Variants in IL1RAPL2 observed in about 807,000 individuals in gnomAD.
The protein encoded by IL1RAPL2 is interleukin 1 receptor accessory protein like 2, also known as X-linked interleukin-1 receptor accessory protein-like 2.
IL1RAPL2 carries 3 observed loss-of-function variants against 44.1 expected under a neutral mutation model. That is an observed-to-expected ratio of 0.07 (90% CI 0.03 to 0.18). The LOEUF (loss-of-function observed/expected upper bound fraction) is 0.18, where lower values mean the gene tolerates loss of function less well. Among genes scored for constraint, IL1RAPL2 ranks in the 10% least tolerant of loss-of-function variants. The pLI is 1.00. For synonymous variants in IL1RAPL2, 181 were observed against 178.8 expected, an observed-to-expected ratio of 1.01 and a Z score of -0.10; for missense variants, 391 against 496.4, an observed-to-expected ratio of 0.79 and a Z score of 2.02.
intron 2 of IL1RAPL2, among the ~76,000 whole-genome samples, chrX:104,665,794 G>A (rs1302713789): frequency 9.0e-6 from 1 of 111,136 alleles, no homozygotes; most frequent in Non-Finnish European, 1.9e-5. Context: ...CCAGTGCTCT[G>A]TTTATGGAAA....
At chrX:105,081,088 A>C (rs960209210) in intron 2 of IL1RAPL2, among the ~76,000 whole-genome samples, 1 of 111,556 alleles carries the variant, frequency 9.0e-6, no homozygotes, top group African/African-American at 3.3e-5. Flanking sequence ...ACTTTGCTGA[A>C]GTTGCTTATC....
At chrX:105,244,144 C>T (rs1386109857) in intron 4 of IL1RAPL2, among the ~76,000 whole-genome samples, 1 of 110,948 alleles carries the variant, frequency 9.0e-6, no homozygotes, top group Admixed American at 9.7e-5. Flanking sequence ...TTCAATAAGA[C>T]TTTGCTGCTT....
intron 2 of IL1RAPL2, among the ~76,000 whole-genome samples, chrX:104,874,640 A>G (rs1323179833): frequency 9.0e-6 from 1 of 111,501 alleles, no homozygotes. Flanking sequence ...ATTCAAGCAT[A>G]GAAGGGGCTG....
intron 2 of IL1RAPL2, among the ~76,000 whole-genome samples, chrX:105,036,921 A>G (rs868373599): frequency 1.0e-5 from 1 of 97,616 alleles, no homozygotes; most frequent in Non-Finnish European, 2.1e-5. Flanking sequence ...CTATATATTT[A>G]TCTTCACCAT....
At chrX:105,019,169 G>A (rs2031239854) in intron 2 of IL1RAPL2, among the ~76,000 whole-genome samples, 1 of 112,023 alleles carries the variant, frequency 8.9e-6, no homozygotes, top group Non-Finnish European at 1.9e-5. Context: ...GAGTATTTAA[G>A]TACAGAATTG....
intron 5 of IL1RAPL2, among the ~76,000 whole-genome samples, chrX:105,297,321 G>A (rs1450653047): frequency 8.9e-6 from 1 of 112,103 alleles, no homozygotes; most frequent in Non-Finnish European, 1.9e-5. Flanking sequence ...CCTTTTCAAC[G>A]GAGTAAAGAG....
chrX:105,233,757 G>A, intron 3 of IL1RAPL2, 61 bp from the exon 4 acceptor site: 2 of 946,163 alleles, frequency 2.1e-6, no homozygotes, highest in Non-Finnish European at 2.9e-6. Context: ...GAAATATATA[G>A]AGCACAAACA....
chrX:104,625,620 C>G, intron 1 of IL1RAPL2, among the ~76,000 whole-genome samples: 1 of 111,586 alleles, frequency 9.0e-6, no homozygotes, highest in South Asian at 3.8e-4. Context: ...ATCAGGATAT[C>G]TCTAACCCTG....
chrX:105,685,810 G>A (rs886628035), intron 6 of IL1RAPL2, among the ~76,000 whole-genome samples: 9 of 111,687 alleles, frequency 8.1e-5, no homozygotes, highest in African/African-American at 2.0e-4. Flanking sequence ...GAGGAAGGTC[G>A]AGTTAGCCAC....
chrX:105,533,646 T>C (rs1473708055), intron 6 of IL1RAPL2, among the ~76,000 whole-genome samples: 2 of 112,682 alleles, frequency 1.8e-5, no homozygotes, highest in East Asian at 2.8e-4. Flanking sequence ...ACCACTGTTA[T>C]GTTCTTTGTA....
chrX:104,832,752 A>G (rs934875806), intron 2 of IL1RAPL2, among the ~76,000 whole-genome samples: 1 of 111,631 alleles, frequency 9.0e-6, no homozygotes, highest in Admixed American at 9.6e-5. Flanking sequence ...CTTTAAAAAC[A>G]TAGAAACAAT....
At chrX:105,754,585 C>T (rs762721343) in intron 9 of IL1RAPL2, among the ~76,000 whole-genome samples, 3 of 112,431 alleles carry the variant, frequency 2.7e-5, no homozygotes, top group South Asian at 3.6e-4. Context: ...TAACAGGTAA[C>T]GCACTTGTAT....
intron 2 of IL1RAPL2, among the ~76,000 whole-genome samples, chrX:105,186,801 T>C (rs2033592156): frequency 8.9e-6 from 1 of 112,148 alleles, no homozygotes; most frequent in Admixed American, 9.4e-5. Flanking sequence ...CCATAACTAA[T>C]TACCAGAGAA....
At chrX:105,151,249 T>C (rs910022713) in intron 2 of IL1RAPL2, among the ~76,000 whole-genome samples, 1 of 111,652 alleles carries the variant, frequency 9.0e-6, no homozygotes, top group Non-Finnish European at 1.9e-5. Context: ...TGAGCTGAAT[T>C]GCGTTGAGCA....
chrX:105,251,627 T>C (rs1487415572), intron 4 of IL1RAPL2, among the ~76,000 whole-genome samples: 3 of 108,189 alleles, frequency 2.8e-5, no homozygotes, highest in Non-Finnish European at 5.8e-5. Flanking sequence ...GGTGGGCTAA[T>C]ACAATAGGAA....
intron 5 of IL1RAPL2, among the ~76,000 whole-genome samples, chrX:105,363,302 AT>A (rs2035264971): frequency 1.3e-5 from 1 of 76,978 alleles, no homozygotes; most frequent in African/African-American, 9.8e-5. Context: ...ATATATATAT[AT>A]ATATAATATA....
At chrX:105,140,266 T>C (rs770787018) in intron 2 of IL1RAPL2, among the ~76,000 whole-genome samples, 15 of 112,417 alleles carry the variant, frequency 1.3e-4, no homozygotes, top group Non-Finnish European at 2.6e-4. Context: ...AAGGTGGCTG[T>C]GTAACAGACT....
intron 6 of IL1RAPL2, among the ~76,000 whole-genome samples, chrX:105,521,845 G>A (rs1021511176): frequency 2.7e-5 from 3 of 111,906 alleles, no homozygotes; most frequent in Non-Finnish European, 5.6e-5. Context: ...AATCCTTACC[G>A]CCAAGAAACA....
chrX:104,657,291 C>T (rs900617183), intron 1 of IL1RAPL2, among the ~76,000 whole-genome samples: 2 of 111,378 alleles, frequency 1.8e-5, no homozygotes, highest in African/African-American at 6.5e-5. Context: ...ATCAATGGAA[C>T]AGAACAGAGG....
Sources: allele counts gnomAD v4.1 joint callset (sites outside exome capture counted in the v4.1 genomes callset), GRCh38; gene constraint gnomAD v4.1.1; transcripts MANE v1.5; gene names NCBI Gene and HGNC (gene_info 2026-07-23, HGNC 2026-07-21).